The following SFI1 variants were observed in gnomAD, a reference collection of about 807,000 sequenced individuals.
SFI1 encodes the protein protein SFI1 homolog.
In SFI1, 195 loss-of-function variants were observed where a neutral mutation model predicts 207.5. The ratio of observed to expected loss-of-function variants is 0.94; its 90% CI spans 0.84 to 1.06. The LOEUF (loss-of-function observed/expected upper bound fraction) is 1.06. Ranked by LOEUF, SFI1 falls within the 50% of genes least tolerant of loss-of-function variation. The pLI is 0.00. For missense variants in SFI1, 1,634 were observed against 1,588.0 expected (o/e 1.03, Z -0.49); for synonymous variants, 630 against 598.9 (o/e 1.05, Z -0.76).
intron 2 of SFI1, among the ~76,000 whole-genome samples, chr22:31,528,199 T>TCCTTGAGC (rs1351391442): frequency 6.7e-6 from 1 of 148,992 alleles, no homozygotes; most frequent in African/African-American, 2.5e-5. Context: ...GTAGGAGGAT[T>TCCTTGAGC]CCTTGAGCCC....
chr22:31,615,085 C>T lies in SFI1; in HGVS notation c.3106C>T (p.Gln1036Ter), dbSNP rs745515086. The T allele has an allele frequency of 1.9e-6, 3 of 1,607,464 alleles. No individual in the cohort carries two copies. The highest frequency in any genetic ancestry group is 1.7e-6 in the Non-Finnish European group (2 of 1,177,062). The part of the protein sequence containing the change: ...KPQEHGLGMA[Q>*]PAAPSLTRPF... The stretch of plus-strand genomic sequence containing the variant: ...ACAGGAACATGGCCTAGGCATGGCT[C>T]AGCCAGCAGCCCCCTCCCTGACGCG... The change falls in exon 29 of 33, where the codon CAG becomes TAG. Residue 1036 changes from glutamine to a stop codon, truncating the protein, a stop_gained. Coordinates refer to ENST00000400288, the MANE Select transcript of SFI1 (RefSeq NM_001007467.3). LOFTEE classifies it high-confidence loss of function.
chr22:31,551,157 T>C (rs1286045743), intron 6 of SFI1, among the ~76,000 whole-genome samples: 1 of 152,192 alleles, frequency 6.6e-6, no homozygotes, highest in African/African-American at 2.4e-5. Context: ...CCCTCATTTA[T>C]TTTTTCGTGC....
At chr22:31,602,345 C>A in intron 16 of SFI1, 52 bp downstream of exon 16, 1 of 1,540,966 alleles carries the variant, frequency 6.5e-7, no homozygotes, top group Non-Finnish European at 9.0e-7. Context: ...CTGATTCAAG[C>A]CATTGCACTC....
intron 2 of SFI1, among the ~76,000 whole-genome samples, chr22:31,511,524 A>G (rs1268657461): frequency 7.4e-6 from 1 of 135,556 alleles, no homozygotes; most frequent in Non-Finnish European, 1.5e-5. Flanking sequence ...GTTGGAGTGC[A>G]TGGCGCGATC....
intron 3 of SFI1, chr22:31,530,551 A>G (rs1177505344): frequency 1.1e-5 from 5 of 458,860 alleles, no homozygotes; most frequent in Non-Finnish European, 2.2e-5. Context: ...ACACTGTGCT[A>G]GGTACTGGAG....
chr22:31,565,691 C>A (rs1394784676), intron 8 of SFI1, among the ~76,000 whole-genome samples: 1 of 151,996 alleles, frequency 6.6e-6, no homozygotes, highest in Non-Finnish European at 1.5e-5. Flanking sequence ...CAGAGCAAGA[C>A]CCTGTCTCAA....
chr22:31,573,885 C>A (rs138770408), intron 9 of SFI1, among the ~76,000 whole-genome samples: 5 of 152,194 alleles, frequency 3.3e-5, no homozygotes, highest in African/African-American at 9.6e-5. Context: ...AAGTATTTGT[C>A]GTAAATGTTA....
intron 1 of SFI1, among the ~76,000 whole-genome samples, chr22:31,506,032 A>G (rs1319362685): frequency 6.7e-6 from 1 of 149,854 alleles, no homozygotes; most frequent in Admixed American, 6.7e-5. Context: ...AGCCTGGGTG[A>G]CAGAGGGAAA....
Position 31,604,853 on chromosome 22 carries a change from T to G in SFI1, c.1978-16T>G. On this transcript the variant is annotated splice_polypyrimidine_tract_variant and intron_variant, in intron 19 of 32. Transcript: ENST00000400288. ...GTGGGCCCAAGAGCAGCCTCAGTCT[T>G]CCTTGTCCCCTACAGACTTACCAGG... The G allele has an allele frequency of 6.2e-7, 1 of 1,609,754 alleles. No individual in the cohort carries two copies. Among genetic ancestry groups the G allele is most frequent in the Non-Finnish European group, 8.5e-7 (1 of 1,177,736 alleles).
At chr22:31,553,125 A>T (rs780064881) in intron 6 of SFI1, among the ~76,000 whole-genome samples, 1 of 152,152 alleles carries the variant, frequency 6.6e-6, no homozygotes, top group Non-Finnish European at 1.5e-5. Context: ...TTACAAGCAT[A>T]AGCCACTGCA....
At chr22:31,581,002 T>C (rs2064092765) in intron 12 of SFI1, among the ~76,000 whole-genome samples, 1 of 152,150 alleles carries the variant, frequency 6.6e-6, no homozygotes, top group South Asian at 2.1e-4. Context: ...ACAAATACTT[T>C]CTTTTTTTCT....
chr22:31,499,839 A>G (rs1211939728), intron 1 of SFI1, among the ~76,000 whole-genome samples: 2 of 151,128 alleles, frequency 1.3e-5, no homozygotes, highest in African/African-American at 4.9e-5. Context: ...AAATACAAAT[A>G]TTACCAGGCA....
intron 18 of SFI1, among the ~76,000 whole-genome samples, chr22:31,604,089 T>C (rs2068555897): frequency 6.6e-6 from 1 of 152,218 alleles, no homozygotes; most frequent in African/African-American, 2.4e-5. Context: ...TCCTACTGAG[T>C]GTAAAACATG....
intron 10 of SFI1, among the ~76,000 whole-genome samples, chr22:31,576,823 G>A (rs2063572134): frequency 2.0e-5 from 3 of 151,900 alleles, no homozygotes; most frequent in Admixed American, 2.0e-4. Flanking sequence ...TGTATTTTTA[G>A]TAGAGACAGG....
intron 27 of SFI1, 135 bp from the exon 28 acceptor site, chr22:31,614,654 C>A: frequency 2.0e-6 from 2 of 985,856 alleles, no homozygotes; most frequent in Non-Finnish European, 3.2e-6. Flanking sequence ...AGGCCCACCC[C>A]AGCTTACTTG....
Position 31,530,570 on chromosome 22 carries a change from A to T in SFI1, c.267-488A>T, listed in dbSNP as rs1377170736. 6 of 470,112 alleles carry T rather than the reference A, an allele frequency of 1.3e-5. No individual in the cohort carries two copies. In the Admixed American group the frequency reaches 1.4e-4, roughly 11 times the overall value. The allele number at this position is 470,112 out of a possible 1,614,324, so 29.1% of individuals were successfully genotyped here. A position where few individuals can be genotyped will look rare whatever the true frequency, so the allele number is the denominator to read the frequency against. On this transcript the variant is annotated intron_variant, in intron 3 of 32. Transcript: ENST00000400288. ...TGTGCTAGGTACTGGAGGTACTATA[A>T]AGCACCAATTTCTGCTTTCAGGGGC...
chr22:31,546,830 A>T, intron 4 of SFI1, 31 bp from the exon 5 acceptor site: 2 of 1,336,284 alleles, frequency 1.5e-6, no homozygotes, highest in Non-Finnish European at 2.1e-6. Flanking sequence ...CAACATCATC[A>T]TATATATATA....
rs1057334837 is a variant in SFI1, at chr22:31,616,592, G to T, written c.3301-153G>T. 5.2e-6 allele frequency: 4 copies of T among 769,620 alleles called. No individual in the cohort carries two copies. In the East Asian group the frequency reaches 1.1e-4, roughly 20 times the overall value. The allele number at this position is 769,620 out of a possible 1,614,324, so 47.7% of individuals were successfully genotyped here. A position where few individuals can be genotyped will look rare whatever the true frequency, so the allele number is the denominator to read the frequency against. The stretch of plus-strand genomic sequence containing the variant: ...GCAGGGGCAGGCTAGACACTGAGCT[G>T]GCACGGCCAGTGCCTGGGAAGCCCA... On this transcript the variant is annotated intron_variant, in intron 29 of 32. Transcript: ENST00000400288.
intron 4 of SFI1, among the ~76,000 whole-genome samples, chr22:31,532,504 A>G (rs2058621579): frequency 6.6e-6 from 1 of 152,052 alleles, no homozygotes; most frequent in Non-Finnish European, 1.5e-5. Context: ...TAAAAACTGA[A>G]ATGTCTTGGG....
Sources: gnomAD v4.1 joint callset for allele counts (sites outside exome capture counted in the v4.1 genomes callset) on GRCh38, gnomAD v4.1.1 for gene constraint, MANE v1.5 for transcripts, NCBI Gene and HGNC (gene_info 2026-07-23, HGNC 2026-07-21) for gene names.